Variants in PITPNM2 observed in about 807,000 individuals in gnomAD.
The protein encoded by PITPNM2 is phosphatidylinositol transfer protein membrane associated 2, also known as membrane-associated phosphatidylinositol transfer protein 2.
Under a neutral mutation model 132.2 loss-of-function variants are expected in PITPNM2, and 35 were observed. The ratio of observed to expected loss-of-function variants is 0.26; its 90% CI spans 0.20 to 0.35. The LOEUF (loss-of-function observed/expected upper bound fraction) is 0.35, where lower values mean the gene tolerates loss of function less well. Ranked by LOEUF, PITPNM2 falls within the 10% of genes least tolerant of loss-of-function variation. The pLI, the probability that PITPNM2 is intolerant of heterozygous loss-of-function variation, is 1.00. For synonymous variants in PITPNM2, 738 were observed against 799.2 expected, an observed-to-expected ratio of 0.92 and a Z score of 1.29; for missense variants, 1,332 against 1,912.0, an observed-to-expected ratio of 0.70 and a Z score of 5.66.
At chr12:123,070,472 C>T (rs780975905) in intron 2 of PITPNM2, among the ~76,000 whole-genome samples, 9 of 152,188 alleles carry the variant, frequency 5.9e-5, no homozygotes, top group African/African-American at 2.2e-4. Context: ...TTGGTGTGGG[C>T]ATCAGGGAAG....
intron 5 of PITPNM2, among the ~76,000 whole-genome samples, chr12:123,011,183 G>C (rs1039964502): frequency 6.6e-6 from 1 of 152,176 alleles, no homozygotes; most frequent in Non-Finnish European, 1.5e-5. Flanking sequence ...TTTTGCGGTC[G>C]GTTCTGCTCT....
rs762896348 is a variant in PITPNM2, at chr12:123,119,355, A to ACTTTTTTTT, written c.-199-8868_-199-8867insAAAAAAAAG. ...CTATCTAGAAGCATAGAGGATGGTG[A>ACTTTTTTTT]TTTTTTTTTTTTTTTTTTTTGAGAC... On this transcript the variant is annotated intron_variant, in intron 1 of 25. Transcript: ENST00000320201. Among the ~76,000 whole-genome samples the ACTTTTTTTT allele has an allele frequency of 2.3e-5, 3 of 129,306 alleles. 1 individual carries two copies. The highest frequency in any genetic ancestry group is 5.6e-5 in the African/African-American group (2 of 35,422). The allele number at this position is 129,306 out of a possible 152,430, so 84.8% of individuals were successfully genotyped here.
intron 2 of PITPNM2, among the ~76,000 whole-genome samples, chr12:123,040,423 A>G (rs891010907): frequency 2.6e-5 from 4 of 152,202 alleles, no homozygotes; most frequent in African/African-American, 9.7e-5. Flanking sequence ...AAAAAAATCA[A>G]TAATATACCA....
chr12:123,102,126 A>G (rs754634031), intron 2 of PITPNM2, among the ~76,000 whole-genome samples: 4 of 152,248 alleles, frequency 2.6e-5, no homozygotes, highest in Non-Finnish European at 5.9e-5. Context: ...GAATTGCCAC[A>G]GAAATGCAAG....
chr12:123,007,710 T>C (rs2039001773), intron 6 of PITPNM2, among the ~76,000 whole-genome samples: 2 of 152,178 alleles, frequency 1.3e-5, no homozygotes, highest in Non-Finnish European at 2.9e-5. Flanking sequence ...TTTCTGGGAC[T>C]GTCTGCTGGC....
chr12:123,027,489 A>G (rs907648900), intron 3 of PITPNM2, among the ~76,000 whole-genome samples: 2 of 152,256 alleles, frequency 1.3e-5, no homozygotes, highest in African/African-American at 4.8e-5. Context: ...TGGTATCATT[A>G]GGCCAGCTAT....
intron 3 of PITPNM2, among the ~76,000 whole-genome samples, chr12:123,030,553 G>C (rs549311549): frequency 9.9e-5 from 15 of 152,068 alleles, no homozygotes; most frequent in African/African-American, 3.6e-4. Context: ...ATTAGCCAGG[G>C]GTGGTGGCAC....
intron 1 of PITPNM2, among the ~76,000 whole-genome samples, chr12:123,143,567 G>A (rs1464203373): frequency 6.6e-6 from 1 of 152,184 alleles, no homozygotes; most frequent in African/African-American, 2.4e-5. Flanking sequence ...CACAATTTGA[G>A]GCATGGGGGC....
At chr12:123,044,664 T>C (rs908934550) in intron 2 of PITPNM2, among the ~76,000 whole-genome samples, 1 of 152,128 alleles carries the variant, frequency 6.6e-6, no homozygotes, top group African/African-American at 2.4e-5. Context: ...CCTTCAAAAC[T>C]CTGACAGGAC....
chr12:123,001,908 G>A (rs1368028095), intron 8 of PITPNM2, among the ~76,000 whole-genome samples: 1 of 152,060 alleles, frequency 6.6e-6, no homozygotes, highest in African/African-American at 2.4e-5. Flanking sequence ...GTGTGCGCCT[G>A]TAGTCTCAGC....
intron 2 of PITPNM2, among the ~76,000 whole-genome samples, chr12:123,048,445 G>T (rs1008547197): frequency 1.3e-5 from 2 of 150,130 alleles, no homozygotes; most frequent in Non-Finnish European, 3.0e-5. Flanking sequence ...TCGCTCTGTC[G>T]CCCAGGCCGG....
chr12:123,049,661 CTT>C (rs1448934413), intron 2 of PITPNM2, among the ~76,000 whole-genome samples: 1 of 152,206 alleles, frequency 6.6e-6, no homozygotes, highest in Non-Finnish European at 1.5e-5. Context: ...CATTGCCACA[CTT>C]TGCAATGATC....
chr12:123,127,551 C>T (rs910456865), intron 1 of PITPNM2, among the ~76,000 whole-genome samples: 2 of 151,886 alleles, frequency 1.3e-5, no homozygotes, highest in African/African-American at 4.8e-5. Flanking sequence ...GCTGTATCCA[C>T]TCAAAACATT....
At chr12:123,043,233 T>C (rs1316867596) in intron 2 of PITPNM2, among the ~76,000 whole-genome samples, 1 of 152,110 alleles carries the variant, frequency 6.6e-6, no homozygotes, top group Non-Finnish European at 1.5e-5. Context: ...ACCAGGACCC[T>C]GACTCCCAGC....
intron 2 of PITPNM2, among the ~76,000 whole-genome samples, chr12:123,103,477 T>C (rs1344641202): frequency 6.6e-6 from 1 of 152,220 alleles, no homozygotes; most frequent in Non-Finnish European, 1.5e-5. Flanking sequence ...AGAGAGCTGC[T>C]GAAGGCCCAG....
In PITPNM2 at chr12:123,106,090, T is replaced by C. The variant is rs142283912; in HGVS notation, c.-96+4295A>G. 3.3e-5 allele frequency among the ~76,000 whole-genome samples: 5 copies of C among 152,266 alleles called. No homozygotes were observed. Among genetic ancestry groups the C allele is most frequent in the East Asian group, 3.9e-4 (2 of 5,170 alleles). ...GACCAAAAGCATCGCCCAGAAACAA[T>C]CGTCTTGCCACAGGCCCCCTGCTTC... On this transcript the variant is annotated intron_variant, in intron 2 of 25. Transcript: ENST00000320201. This position sits in a 1 kb window ranked among gnomAD's most constrained non-coding sequence, Gnocchi z 4.4.
intron 1 of PITPNM2, among the ~76,000 whole-genome samples, chr12:123,127,860 T>C (rs550647086): frequency 7.9e-5 from 12 of 152,076 alleles, no homozygotes; most frequent in South Asian, 4.2e-4. Flanking sequence ...CCGCCCGCCT[T>C]GGCCTCCCAA....
chr12:122,989,937 C>A lies in PITPNM2; in HGVS notation c.2581G>T (p.Ala861Ser). ...ASSIAQKAPD[A>S]LSHTPSVRRL... ...CTGACGCTGGGGGTATGGCTGAGCG[C>A]ATCGGGGGCCTCTGAGAAGCAAGAG... The change falls in exon 18 of 26, where the codon GCG (alanine) becomes TCG (serine). Residue 861 changes from alanine (A) to serine (S), a missense_variant. Ala to Ser is a moderately conservative substitution (Grantham distance 99, BLOSUM62 1). Coordinates refer to ENST00000320201, the MANE Select transcript of PITPNM2 (RefSeq NM_020845.3). 1 of 1,304,952 alleles carries A rather than the reference C, an allele frequency of 7.7e-7. No homozygotes were observed. The highest frequency in any genetic ancestry group is 9.8e-7 in the Non-Finnish European group (1 of 1,022,334). 80.8% of individuals were successfully genotyped at this position (1,304,952 alleles called of 1,614,324 possible).
intron 2 of PITPNM2, chr12:123,084,270 C>T (rs765307421): frequency 6.6e-6 from 1 of 152,248 alleles, no homozygotes; most frequent in Non-Finnish European, 1.5e-5. Context: ...ATATGAAAAA[C>T]ATTTGCATGC....
Sources: allele counts gnomAD v4.1 joint callset (sites outside exome capture counted in the v4.1 genomes callset), GRCh38; gene constraint gnomAD v4.1.1; non-coding constraint Gnocchi (gnomAD v3.1); transcripts MANE v1.5; gene names NCBI Gene and HGNC (gene_info 2026-07-23, HGNC 2026-07-21).